The following LIM2 variants were observed in gnomAD, a reference collection of about 807,000 sequenced individuals.
The protein encoded by LIM2 is lens fiber membrane intrinsic protein.
A neutral mutation model predicts 19.0 loss-of-function variants in LIM2; 14 were observed. That is an observed-to-expected ratio of 0.74 (90% CI 0.49 to 1.15). The LOEUF (loss-of-function observed/expected upper bound fraction) is 1.15, where lower values mean the gene tolerates loss of function less well. LIM2 is among the 50% of genes most tolerant of loss of function. The pLI is 0.00. For missense variants in LIM2, 230 were observed against 243.5 expected (o/e 0.94, Z 0.37); for synonymous variants, 78 against 89.6 (o/e 0.87, Z 0.73).
chr19:51,381,328 A>T (rs1423988656), intron 3 of LIM2, among the ~76,000 whole-genome samples: 2 of 152,170 alleles, frequency 1.3e-5, no homozygotes, highest in Non-Finnish European at 2.9e-5. Context: ...ATCTCAAAAA[A>T]GGAGAACAAA....
chr19:51,387,667 C>T (rs1038894584), intron 1 of LIM2, among the ~76,000 whole-genome samples: 2 of 151,834 alleles, frequency 1.3e-5, no homozygotes, highest in South Asian at 2.1e-4. Context: ...ACAGGGAGAG[C>T]GGGGCTGGGT....
At chr19:51,380,288 C>T (rs775093966) in intron 4 of LIM2, 26 bp from the exon 5 acceptor site, 11 of 1,610,652 alleles carry the variant, frequency 6.8e-6, no homozygotes, top group East Asian at 2.2e-5. Flanking sequence ...TTCAAATTCA[C>T]CCCCTCAAAC....
intron 3 of LIM2, 131 bp from the exon 4 acceptor site, chr19:51,380,770 T>A: frequency 9.4e-7 from 1 of 1,063,042 alleles, no homozygotes. Context: ...GGGGTGGGGA[T>A]AGGAGTGAGG....
At chr19:51,382,598 C>T (rs1312931999) in intron 2 of LIM2, 31 bp from the exon 3 acceptor site, 1 of 1,612,404 alleles carries the variant, frequency 6.2e-7, no homozygotes, top group Admixed American at 1.7e-5. Context: ...CATTCCCACA[C>T]CTCCCCTGCT....
intron 2 of LIM2, among the ~76,000 whole-genome samples, chr19:51,385,521 GAAACAAAACA>G (rs935603574): frequency 1.3e-5 from 2 of 151,950 alleles, no homozygotes; most frequent in African/African-American, 4.8e-5. Flanking sequence ...GACTCTGTCT[GAAACAAAACA>G]AAACAAAACA....
Position 51,387,959 on chromosome 19 carries a change from C to T in LIM2, c.-47G>A, listed in dbSNP as rs1987130681. The T allele has an allele frequency of 5.3e-6, 1 of 190,200 alleles. No homozygotes were observed. Among genetic ancestry groups the T allele is most frequent in the Non-Finnish European group, 1.1e-5 (1 of 90,160 alleles). The allele number at this position is 190,200 out of a possible 1,614,324, so 11.8% of individuals were successfully genotyped here. ...TGCCCGAGCCCTCCTTCTGCCACGG[C>T]CCCTCTGTGCAGACTGAGCTGAGCC... is the stretch of plus-strand genomic sequence containing the variant. On this transcript the variant is annotated 5_prime_UTR_variant, in exon 1 of 5. Transcript: ENST00000596399.
At chr19:51,381,128 T>C (rs961773053) in intron 3 of LIM2, among the ~76,000 whole-genome samples, 2 of 151,976 alleles carry the variant, frequency 1.3e-5, no homozygotes, top group African/African-American at 4.8e-5. Context: ...CTGGTCAACA[T>C]GGTGAAACCC....
intron 3 of LIM2, 135 bp downstream of exon 3, chr19:51,382,283 T>G: frequency 2.1e-6 from 2 of 951,988 alleles, no homozygotes; most frequent in Non-Finnish European, 3.2e-6. Flanking sequence ...GTTTTGAGTG[T>G]GGGGATGGGA....
intron 3 of LIM2, among the ~76,000 whole-genome samples, 158 bp downstream of exon 3, chr19:51,382,260 A>G (rs769259242): frequency 2.1e-5 from 3 of 142,946 alleles, no homozygotes; most frequent in Non-Finnish European, 3.0e-5. Context: ...AACTAGAAAT[A>G]GTCATGAGGT....
chr19:51,385,610 T>C (rs1283209195), intron 2 of LIM2, among the ~76,000 whole-genome samples: 2 of 152,150 alleles, frequency 1.3e-5, no homozygotes, highest in Non-Finnish European at 2.9e-5. Flanking sequence ...CTGGCAGAGA[T>C]AAGACAGAGA....
intron 2 of LIM2, 115 bp from the exon 3 acceptor site, chr19:51,382,682 T>C: frequency 7.1e-7 from 1 of 1,400,762 alleles, no homozygotes; most frequent in South Asian, 1.2e-5. Flanking sequence ...CAGCTCATCC[T>C]TCCCTTCTTT....
chr19:51,386,012 T>C (rs1157703298), intron 2 of LIM2, among the ~76,000 whole-genome samples: 1 of 152,224 alleles, frequency 6.6e-6, no homozygotes, highest in Non-Finnish European at 1.5e-5. Flanking sequence ...AGTGAGTTTA[T>C]CCATGTAAAG....
intron 3 of LIM2, among the ~76,000 whole-genome samples, chr19:51,381,714 G>A (rs1204978550): frequency 6.6e-6 from 1 of 152,026 alleles, no homozygotes; most frequent in Non-Finnish European, 1.5e-5. Flanking sequence ...AGCAATTTTT[G>A]TTGTTGTTAT....
chr19:51,380,198 G>A lies in LIM2; in HGVS notation c.*3C>T, dbSNP rs557097250. Reference sequence around the variant, plus strand: ...CAGATGAAGTTGGGGGACACATTTGGGCTCAGCGGGGTGTAGACAGGCGCC... The same window carrying A: ...CAGATGAAGTTGGGGGACACATTTGAGCTCAGCGGGGTGTAGACAGGCGCC... On this transcript the variant is annotated 3_prime_UTR_variant, in exon 5 of 5. Coordinates refer to ENST00000596399, the MANE Select transcript of LIM2 (RefSeq NM_001161748.2). 3 of 1,613,606 alleles carry A rather than the reference G, an allele frequency of 1.9e-6. No homozygotes were observed. The Admixed American group carries it at 5.0e-5, about 27-fold the overall frequency.
Position 51,380,070 on chromosome 19 carries a change from C to A in LIM2, c.*131G>T, listed in dbSNP as rs79550290. The A allele has an allele frequency of 1.4e-3, 1,237 of 858,670 alleles. 13 individuals are homozygous for A. The African/African-American group carries it at 0.017, about 12-fold the overall frequency. The allele number at this position is 858,670 out of a possible 1,614,324, so 53.2% of individuals were successfully genotyped here. On this transcript the variant is annotated 3_prime_UTR_variant, in exon 5 of 5. Transcript: ENST00000596399. ...CTAGGACCAGGAGTCAGCCTCCCCC[C>A]ACAAACCCACAGTCCAGAACTGAGC...
At position 51,380,488 on chromosome 19, in the gene LIM2, C is replaced by T. The variant is rs1986865738; in HGVS notation, c.460+17G>A. On this transcript the variant is annotated intron_variant, in intron 4 of 4. Transcript: ENST00000596399. ...TCTGCCCCAGGCACTGACCTTCCCACCCCTTGCCCCCAGTACCTGCGAAGA... is the reference window on the plus strand; with the variant it reads ...TCTGCCCCAGGCACTGACCTTCCCATCCCTTGCCCCCAGTACCTGCGAAGA... 6.2e-7 allele frequency: 1 copy of T among 1,614,190 alleles called. No individual in the cohort carries two copies.
At position 51,382,550 on chromosome 19, in the gene LIM2, G is replaced by A. The variant is rs139154341; in HGVS notation, c.193C>T (p.Arg65Trp). 72 of 1,613,702 alleles carry A rather than the reference G, an allele frequency of 4.5e-5. 1 individual carries two copies. The highest frequency in any genetic ancestry group is 2.4e-4 in the African/African-American group (18 of 75,004). ...TDSIAYWNATRAFMILSALCA... is the reference protein window; with the variant it reads ...TDSIAYWNATWAFMILSALCA... ...AGGGCAGACAGGATCATGAAGGCCC[G>A]GGTGGCATTCCAGTATGCTGTGGGA... The change falls in exon 3 of 5, where the codon CGG becomes TGG. Residue 65 changes from arginine (R) to tryptophan (W), a missense_variant. Transcript: ENST00000596399.
chr19:51,380,596 G>A lies in LIM2; in HGVS notation c.369C>T (p.Thr123=), dbSNP rs200033512. Residue 123 remains threonine, a synonymous_variant, in exon 4 of 5, where the codon ACC becomes ACT. Transcript: ENST00000596399. ...VLALAIYTGV[T]VSFLGRRFGD... The stretch of plus-strand genomic sequence containing the variant: ...CAAAGCGGCGGCCCAGGAAGCTGAC[G>A]GTGACTCCAGTGTAGATGGCCAAGG... 369 of 1,614,168 alleles carry A rather than the reference G, an allele frequency of 2.3e-4. 2 individuals carry two copies. The highest frequency in any genetic ancestry group is 3.0e-4 in the Non-Finnish European group (350 of 1,180,040).
chr19:51,387,632 G>A (rs1987112275), intron 1 of LIM2, among the ~76,000 whole-genome samples, 183 bp from the exon 2 acceptor site: 1 of 152,080 alleles, frequency 6.6e-6, no homozygotes, highest in South Asian at 2.1e-4. Flanking sequence ...TGAGGGAGGA[G>A]GATGGTAGGG....
Sources: allele counts gnomAD v4.1 joint callset (sites outside exome capture counted in the v4.1 genomes callset), GRCh38; gene constraint gnomAD v4.1.1; transcripts MANE v1.5; gene names NCBI Gene and HGNC (gene_info 2026-07-23, HGNC 2026-07-21).